Variants in NCBP2L observed in about 807,000 individuals in gnomAD.
The protein encoded by NCBP2L is nuclear cap-binding protein subunit 2-like.
For missense variants in NCBP2L, 95 were observed against 53.1 expected, an observed-to-expected ratio of 1.79 and a Z score of -2.45; for synonymous variants, 39 against 19.2, an observed-to-expected ratio of 2.04 and a Z score of -2.70.
intron 1 of NCBP2L, among the ~76,000 whole-genome samples, chrX:107,784,830 A>G (rs1930375410): frequency 1.0e-5 from 1 of 96,801 alleles, no homozygotes; most frequent in African/African-American, 4.3e-5. Flanking sequence ...AAAAAAAAAA[A>G]TAGCCAGGTG....
chrX:107,784,107 T>A (rs928949120), intron 1 of NCBP2L, among the ~76,000 whole-genome samples: 15 of 111,627 alleles, frequency 1.3e-4, no homozygotes, highest in Admixed American at 2.8e-4. Flanking sequence ...TAGTGCCTAG[T>A]AGGCATTCAT....
chrX:107,782,262 A>T lies in NCBP2L; in HGVS notation c.-73+4404A>T, dbSNP rs1384813512. 4.4e-3 allele frequency among the ~76,000 whole-genome samples: 61 copies of T among 13,760 alleles called. 2 individuals are homozygous for T. The highest frequency in any genetic ancestry group is 0.018 in the African/African-American group (19 of 1,032). The allele number at this position is 13,760 out of a possible 115,157, so 11.9% of individuals were successfully genotyped here. A position where few individuals can be genotyped will look rare whatever the true frequency, so the allele number is the denominator to read the frequency against. ...ATATATATATATAAATATATATATAAATATATATATATAAATATATATAAA... is the reference window on the plus strand; with the variant it reads ...ATATATATATATAAATATATATATATATATATATATATAAATATATATAAA... On this transcript the variant is annotated intron_variant, in intron 1 of 1. Transcript: ENST00000509000.
chrX:107,788,016 T>G (rs1259397720), intron 1 of NCBP2L, among the ~76,000 whole-genome samples: 2 of 112,338 alleles, frequency 1.8e-5, no homozygotes, highest in Non-Finnish European at 3.8e-5. Flanking sequence ...GGATTTTGAC[T>G]GATCATTTTG....
intron 1 of NCBP2L, among the ~76,000 whole-genome samples, chrX:107,787,356 G>A (rs958552306): frequency 8.9e-6 from 1 of 111,812 alleles, no homozygotes; most frequent in African/African-American, 3.3e-5. Context: ...CATTGTCTCC[G>A]CTTTAGTTCT....
At position 107,783,858 on chromosome X, in the gene NCBP2L, A is replaced by G. The variant is rs866926731; in HGVS notation, c.-73+6000A>G. Among the ~76,000 whole-genome samples the G allele has an allele frequency of 2.9e-3, 280 of 96,970 alleles. 3 individuals carry two copies. The highest frequency in any genetic ancestry group is 0.01 in the African/African-American group (261 of 26,075). The allele number at this position is 96,970 out of a possible 115,157, so 84.2% of individuals were successfully genotyped here. A position where few individuals can be genotyped will look rare whatever the true frequency, so the allele number is the denominator to read the frequency against. On this transcript the variant is annotated intron_variant, in intron 1 of 1. Transcript: ENST00000509000. ...CTGGAGCTCACAGTCTGGTGTGCGT[A>G]TGTGTGTGTGTGTGTGTGTGTGTGT...
At position 107,794,716 on chromosome X, in the gene NCBP2L, C is replaced by T. The variant is rs760600433; in HGVS notation, c.*34C>T. On this transcript the variant is annotated 3_prime_UTR_variant, in exon 2 of 2. Coordinates refer to ENST00000509000, the MANE Select transcript of NCBP2L (RefSeq NM_001348372.2). ...ATAGAGAAAAAGTTTTAACTCTAAC[C>T]CCTTGAAAAGTGTGTTATAGACCAA... 1.5e-5 allele frequency: 8 copies of T among 534,766 alleles called. No individual in the cohort carries two copies. The highest frequency in any genetic ancestry group is 3.5e-4 in the Middle Eastern group (1 of 2,876). The allele number at this position is 534,766 out of a possible 1,213,427, so 44.1% of individuals were successfully genotyped here.
intron 1 of NCBP2L, among the ~76,000 whole-genome samples, chrX:107,778,860 C>T (rs761092902): frequency 2.0e-4 from 22 of 112,255 alleles, no homozygotes; most frequent in African/African-American, 6.8e-4. Flanking sequence ...ACTTCATGGT[C>T]TAGCTGCAGA....
chrX:107,778,065 T>C lies in NCBP2L; in HGVS notation c.-73+207T>C, dbSNP rs922316618. On this transcript the variant is annotated intron_variant, in intron 1 of 1. Transcript: ENST00000509000. ...AAAAGCCAGAGGAGGTAGTAGAATA[T>C]GAAATTTCATCTGCATTGTGTAGAC... Among the ~76,000 whole-genome samples the C allele has an allele frequency of 2.7e-5, 3 of 110,906 alleles. No individual in the cohort carries two copies. The Admixed American group carries it at 2.9e-4, about 11-fold the overall frequency.
chrX:107,781,827 TAG>T (rs1167026090), intron 1 of NCBP2L, among the ~76,000 whole-genome samples: 3 of 97,506 alleles, frequency 3.1e-5, no homozygotes, highest in Non-Finnish European at 6.1e-5. Flanking sequence ...TATCTATATA[TAG>T]AGAGATATAT....
At chrX:107,790,526 C>T (rs192715165) in intron 1 of NCBP2L, among the ~76,000 whole-genome samples, 11 of 111,241 alleles carry the variant, frequency 9.9e-5, no homozygotes, top group African/African-American at 3.6e-4. Flanking sequence ...AATCTTATCT[C>T]CTATCATCTT....
intron 1 of NCBP2L, among the ~76,000 whole-genome samples, chrX:107,780,594 C>T (rs1930252421): frequency 9.3e-6 from 1 of 107,894 alleles, no homozygotes; most frequent in Non-Finnish European, 1.9e-5. Context: ...GGATCTGCAC[C>T]AGGATGGCTA....
At chrX:107,783,771 T>C (rs1160811453) in intron 1 of NCBP2L, among the ~76,000 whole-genome samples, 1 of 111,154 alleles carries the variant, frequency 9.0e-6, no homozygotes, top group East Asian at 2.8e-4. Context: ...TCAACCTGTC[T>C]TTGTAGAACT....
intron 1 of NCBP2L, among the ~76,000 whole-genome samples, chrX:107,781,733 TATATATAG>T (rs2147805273): frequency 1.3e-5 from 1 of 74,459 alleles, no homozygotes; most frequent in South Asian, 5.9e-4. Flanking sequence ...TCTATAGATC[TATATATAG>T]ATATCTATAT....
chrX:107,782,184 T>A (rs866026718), intron 1 of NCBP2L, among the ~76,000 whole-genome samples: 4 of 26,725 alleles, frequency 1.5e-4, no homozygotes, highest in East Asian at 1.2e-3. Context: ...TATATATAAA[T>A]ATATATATAT....
intron 1 of NCBP2L, among the ~76,000 whole-genome samples, chrX:107,792,905 T>C (rs976428139): frequency 1.8e-5 from 2 of 112,324 alleles, no homozygotes; most frequent in Non-Finnish European, 3.8e-5. Context: ...AAAATAGTAT[T>C]GATTACACCA....
At chrX:107,779,738 A>ATTTTTTTTTTTTT (rs60997776) in intron 1 of NCBP2L, among the ~76,000 whole-genome samples, 1 of 36,649 alleles carries the variant, frequency 2.7e-5, no homozygotes, top group Admixed American at 4.1e-4. Flanking sequence ...TATCCCCTGA[A>ATTTTTTTTTTTTT]TTTTTTTTTT....
chrX:107,785,012 AGAAGGAAGGAAG>A (rs376629064), intron 1 of NCBP2L, among the ~76,000 whole-genome samples: 3 of 101,798 alleles, frequency 2.9e-5, no homozygotes, highest in East Asian at 3.0e-4. Context: ...AAGGAAAGAA[AGAAGGAAGGAAG>A]GAAGGAAGGA....
intron 1 of NCBP2L, among the ~76,000 whole-genome samples, chrX:107,785,159 A>C (rs1930381599): frequency 8.9e-6 from 1 of 112,004 alleles, no homozygotes; most frequent in Non-Finnish European, 1.9e-5. Context: ...GCCTCTGAAA[A>C]TATTTTCTTT....
In NCBP2L at chrX:107,783,858, A is replaced by ATGTGTGTGTGTGTGTG. The variant is rs756413239; in HGVS notation, c.-73+6018_-73+6033dup. On this transcript the variant is annotated intron_variant, in intron 1 of 1. Coordinates refer to ENST00000509000, the MANE Select transcript of NCBP2L (RefSeq NM_001348372.2). ...CTGGAGCTCACAGTCTGGTGTGCGTATGTGTGTGTGTGTGTGTGTGTGTGT... is the reference window on the plus strand; with the variant it reads ...CTGGAGCTCACAGTCTGGTGTGCGTATGTGTGTGTGTGTGTGTGTGTGTGTGTGTGTGTGTGTGTGT... 5.7e-3 allele frequency among the ~76,000 whole-genome samples: 551 copies of ATGTGTGTGTGTGTGTG among 96,961 alleles called. 4 individuals carry two copies. The highest frequency in any genetic ancestry group is 0.013 in the Admixed American group (112 of 8,874). 84.2% of individuals were successfully genotyped at this position (96,961 alleles called of 115,157 possible).
Sources: gnomAD v4.1 joint callset for allele counts (sites outside exome capture counted in the v4.1 genomes callset) on GRCh38, gnomAD v4.1.1 for gene constraint, MANE v1.5 for transcripts, NCBI Gene and HGNC (gene_info 2026-07-23, HGNC 2026-07-21) for gene names.